The following UGT1A8 variants were observed in gnomAD, a reference collection of about 807,000 sequenced individuals.
UGT1A8 encodes UDP glucuronosyltransferase family 1 member A8.
In UGT1A8, 39 loss-of-function variants were observed where a neutral mutation model predicts 45.3. The ratio of observed to expected loss-of-function variants is 0.86; its 90% confidence interval spans 0.67 to 1.12. The LOEUF is 1.12. Among genes scored for constraint, UGT1A8 ranks in the 50% most tolerant of loss-of-function variants. The pLI is 0.00. For synonymous variants in UGT1A8, 275 were observed against 249.2 expected (o/e 1.10, Z -0.97); for missense variants, 719 against 664.9 (o/e 1.08, Z -0.90).
At position 233,692,634 on chromosome 2, in the gene UGT1A8, G is replaced by A. The variant is rs981201008; in HGVS notation, c.855+74072G>A. ...GCACATCATGGACATAACAGACAAC[G>A]TCAATGATGAGGAATCCAGCAAGTT... On this transcript the variant is annotated intron_variant, in intron 1 of 4. Coordinates refer to ENST00000373450, the MANE Select transcript of UGT1A8 (RefSeq NM_019076.5). Among the ~76,000 whole-genome samples, 6 of 152,278 alleles carry A rather than the reference G, an allele frequency of 3.9e-5. No homozygotes were observed. The East Asian group carries it at 1.2e-3, about 29-fold the overall frequency.
chr2:233,730,639 T>C (rs1444875009), intron 1 of UGT1A8, among the ~76,000 whole-genome samples: 1 of 152,130 alleles, frequency 6.6e-6, no homozygotes, highest in African/African-American at 2.4e-5. Context: ...TGGTGCATGA[T>C]GTGGGGACAT....
chr2:233,694,680 C>T (rs2075234275), intron 1 of UGT1A8, among the ~76,000 whole-genome samples: 1 of 152,146 alleles, frequency 6.6e-6, no homozygotes. Context: ...TCAAACAGGT[C>T]CCAAAGACCC....
At chr2:233,639,578 T>C (rs988033716) in intron 1 of UGT1A8, among the ~76,000 whole-genome samples, 2 of 152,172 alleles carry the variant, frequency 1.3e-5, no homozygotes, top group African/African-American at 4.8e-5. Context: ...TACTTGATGA[T>C]AGAGTATGTG....
rs28898606 is a variant in UGT1A8, at chr2:233,716,997, G to A, written c.856-50037G>A. Among the ~76,000 whole-genome samples, 1,356 of 152,258 alleles carry A rather than the reference G, an allele frequency of 8.9e-3. 31 individuals carry two copies. The highest frequency in any genetic ancestry group is 0.031 in the African/African-American group (1,268 of 41,526). On this transcript the variant is annotated intron_variant, in intron 1 of 4. Coordinates refer to ENST00000373450, the MANE Select transcript of UGT1A8 (RefSeq NM_019076.5). Reference sequence around the variant, plus strand: ...TCCCCACAGTCCTGCTGTCCTCAGGGCCCCTATGTCTCTGAAGGCACCACC... The same window carrying A: ...TCCCCACAGTCCTGCTGTCCTCAGGACCCCTATGTCTCTGAAGGCACCACC...
intron 1 of UGT1A8, among the ~76,000 whole-genome samples, chr2:233,699,067 C>A (rs918094960): frequency 6.6e-6 from 1 of 152,338 alleles, no homozygotes. Flanking sequence ...CCAGCCCTGC[C>A]CAGGGCCTTC....
chr2:233,720,440 T>C (rs2076859739), intron 1 of UGT1A8, among the ~76,000 whole-genome samples: 1 of 152,036 alleles, frequency 6.6e-6, no homozygotes, highest in Non-Finnish European at 1.5e-5. Flanking sequence ...CGTGAATCTA[T>C]AAGCCCAGTG....
intron 1 of UGT1A8, among the ~76,000 whole-genome samples, chr2:233,702,488 T>C (rs964835530): frequency 6.6e-6 from 1 of 152,186 alleles, no homozygotes; most frequent in Non-Finnish European, 1.5e-5. Flanking sequence ...CTTGAACCTC[T>C]AGTACCGTGT....
At chr2:233,620,170 A>G (rs1396929330) in intron 1 of UGT1A8, among the ~76,000 whole-genome samples, 2 of 152,204 alleles carry the variant, frequency 1.3e-5, no homozygotes, top group Non-Finnish European at 2.9e-5. Flanking sequence ...ATCTCACAGG[A>G]AAGTGAAATA....
chr2:233,662,841 T>C (rs1454315667), intron 1 of UGT1A8, among the ~76,000 whole-genome samples: 1 of 151,332 alleles, frequency 6.6e-6, no homozygotes. Flanking sequence ...TTGTCAGATA[T>C]GAATTTTGGA....
chr2:233,730,024 T>A (rs1022627544), intron 1 of UGT1A8: 1 of 1,613,646 alleles, frequency 6.2e-7, no homozygotes, highest in Non-Finnish European at 8.5e-7. Flanking sequence ...CCAATCAATG[T>A]TCCAGGCAAA....
At chr2:233,689,487 C>A (rs770770371) in intron 1 of UGT1A8, among the ~76,000 whole-genome samples, 2 of 152,142 alleles carry the variant, frequency 1.3e-5, no homozygotes, top group Non-Finnish European at 2.9e-5. Flanking sequence ...GAAGAAATCG[C>A]AAATCAATAC....
At chr2:233,626,543 G>A (rs17863766) in intron 1 of UGT1A8, among the ~76,000 whole-genome samples, 16,400 of 151,968 alleles carry the variant, frequency 0.11, 1,084 homozygotes, top group Non-Finnish European at 0.16. Context: ...GAAGTCATTC[G>A]CAACATCTGG....
chr2:233,731,757 G>A (rs2078201217), intron 1 of UGT1A8, among the ~76,000 whole-genome samples: 1 of 152,162 alleles, frequency 6.6e-6, no homozygotes. Flanking sequence ...GTGTGCATGT[G>A]TCCTTAGAGT....
chr2:233,628,478 A>G (rs1575385206), intron 1 of UGT1A8, among the ~76,000 whole-genome samples: 1 of 152,282 alleles, frequency 6.6e-6, no homozygotes, highest in East Asian at 1.9e-4. Context: ...TCTTGCAACC[A>G]TGCTAAACTT....
chr2:233,731,634 A>G (rs547560003), intron 1 of UGT1A8, among the ~76,000 whole-genome samples: 6 of 152,300 alleles, frequency 3.9e-5, no homozygotes, highest in African/African-American at 9.6e-5. Flanking sequence ...TTATGGCTGC[A>G]TAGTATTCCA....
At chr2:233,755,290 G>C in intron 1 of UGT1A8, 1 of 652,954 alleles carries the variant, frequency 1.5e-6, no homozygotes, top group Admixed American at 2.9e-5. Context: ...CAAAGAGCCT[G>C]CGGGGCACTG....
At chr2:233,665,894 T>C (rs981260893) in intron 1 of UGT1A8, among the ~76,000 whole-genome samples, 1 of 152,174 alleles carries the variant, frequency 6.6e-6, no homozygotes, top group Non-Finnish European at 1.5e-5. Flanking sequence ...CAAGGTGCCC[T>C]CCCACCACCT....
chr2:233,730,377 G>A (rs750998252), intron 1 of UGT1A8, among the ~76,000 whole-genome samples: 101 of 152,334 alleles, frequency 6.6e-4, no homozygotes, highest in Admixed American at 1.4e-3. Flanking sequence ...ATTTTCAGGG[G>A]AAAGATGATG....
At chr2:233,728,943 T>A (rs1281650541) in intron 1 of UGT1A8, among the ~76,000 whole-genome samples, 3 of 148,150 alleles carry the variant, frequency 2.0e-5, no homozygotes, top group Admixed American at 2.0e-4. Flanking sequence ...TTTTCCAGGG[T>A]GGGGCCCACA....
Sources: allele counts gnomAD v4.1 joint callset (sites outside exome capture counted in the v4.1 genomes callset), GRCh38; gene constraint gnomAD v4.1.1; transcripts MANE v1.5; gene names NCBI Gene and HGNC (gene_info 2026-07-23, HGNC 2026-07-21).